The following MYO5B variants were observed in gnomAD, a reference collection of about 807,000 sequenced individuals.
The protein encoded by MYO5B is unconventional myosin-Vb.
MYO5B carries 143 observed loss-of-function variants against 229.3 expected under a neutral mutation model. The observed-to-expected ratio is 0.62, with a 90% CI of 0.54 to 0.72. MYO5B has a LOEUF of 0.72. MYO5B is among the 30% of genes least tolerant of loss of function. The probability of loss-of-function intolerance (pLI) is 0.00; values close to 1 mark genes in which losing one functional copy is unlikely to be tolerated. For synonymous variants in MYO5B, 918 were observed against 885.2 expected (o/e 1.04, Z -0.66); for missense variants, 2,321 against 2,331.0 (o/e 1.00, Z 0.09).
chr18:50,183,659 T>C (rs1383654134), intron 1 of MYO5B, among the ~76,000 whole-genome samples: 1 of 152,014 alleles, frequency 6.6e-6, no homozygotes, highest in Non-Finnish European at 1.5e-5. Flanking sequence ...TTTAAGCTCC[T>C]TGAATTTCAG....
intron 22 of MYO5B, among the ~76,000 whole-genome samples, chr18:49,883,243 G>A (rs1431930893): frequency 1.3e-5 from 2 of 152,192 alleles, no homozygotes; most frequent in Non-Finnish European, 2.9e-5. Context: ...ACACAATCTT[G>A]TATACAGAAA....
intron 2 of MYO5B, among the ~76,000 whole-genome samples, chr18:50,050,552 ATAAATTAT>A (rs775734721): frequency 2.0e-5 from 3 of 152,232 alleles, no homozygotes; most frequent in Non-Finnish European, 4.4e-5. Context: ...ATCACAAAAT[ATAAATTAT>A]TAAAGAATAC....
At chr18:49,987,434 G>A (rs1478370128) in intron 7 of MYO5B, among the ~76,000 whole-genome samples, 3 of 152,080 alleles carry the variant, frequency 2.0e-5, no homozygotes, top group Non-Finnish European at 4.4e-5. Flanking sequence ...GGCCCATAAA[G>A]CTGAACACTG....
intron 4 of MYO5B, among the ~76,000 whole-genome samples, chr18:50,015,773 A>C (rs1486875233): frequency 6.6e-6 from 1 of 152,236 alleles, no homozygotes; most frequent in Non-Finnish European, 1.5e-5. Flanking sequence ...AGGTGCTTGC[A>C]GTAGCCTCTG....
chr18:50,037,138 A>C, intron 3 of MYO5B, 144 bp from the exon 4 acceptor site: 58 of 858,862 alleles, frequency 6.8e-5, no homozygotes, highest in Non-Finnish European at 1.0e-4. Context: ...CAATCAGCTC[A>C]ATCAAGGCTC....
At chr18:49,848,698 G>A (rs769896708) in intron 32 of MYO5B, among the ~76,000 whole-genome samples, 1 of 152,170 alleles carries the variant, frequency 6.6e-6, no homozygotes, top group African/African-American at 2.4e-5. Context: ...AAAAGAGGGA[G>A]TGATAGGTCT....
intron 1 of MYO5B, among the ~76,000 whole-genome samples, chr18:50,170,503 C>T (rs1380469180): frequency 7.9e-6 from 1 of 127,340 alleles, no homozygotes; most frequent in Non-Finnish European, 1.7e-5. Flanking sequence ...TTTCTAATCA[C>T]ATTTTTATTA....
intron 2 of MYO5B, among the ~76,000 whole-genome samples, chr18:50,046,732 A>G (rs1167290048): frequency 6.6e-6 from 1 of 152,154 alleles, no homozygotes; most frequent in Non-Finnish European, 1.5e-5. Flanking sequence ...ACAAAAAAAC[A>G]CAAACAAGAT....
chr18:50,104,829 A>G (rs1476660609), intron 1 of MYO5B, among the ~76,000 whole-genome samples: 1 of 152,164 alleles, frequency 6.6e-6, no homozygotes, highest in Non-Finnish European at 1.5e-5. Flanking sequence ...TTAACCTTGA[A>G]ACTGGAAGTA....
intron 3 of MYO5B, among the ~76,000 whole-genome samples, chr18:50,038,601 C>T (rs1039212116): frequency 5.3e-5 from 8 of 152,180 alleles, no homozygotes; most frequent in Admixed American, 3.9e-4. Flanking sequence ...TATCATACTC[C>T]GAGGTCACGT....
chr18:50,040,324 T>G lies in MYO5B; in HGVS notation c.139-10A>C, dbSNP rs779000779. On this transcript the variant is annotated splice_polypyrimidine_tract_variant and intron_variant, in intron 2 of 39. Coordinates refer to ENST00000285039, the MANE Select transcript of MYO5B (RefSeq NM_001080467.3). Reference sequence around the variant, plus strand: ...TTGGGTATTCCAGAATCTAAAGACATGCAAGTAGCAGACACAAAAAGGTGG... The same window carrying G: ...TTGGGTATTCCAGAATCTAAAGACAGGCAAGTAGCAGACACAAAAAGGTGG... 2 of 1,613,790 alleles carry G rather than the reference T, an allele frequency of 1.2e-6. No homozygotes were observed. The highest frequency in any genetic ancestry group is 2.2e-5 in the East Asian group (1 of 44,870).
chr18:49,922,863 A>G (rs2025089410), intron 17 of MYO5B, among the ~76,000 whole-genome samples: 2 of 152,208 alleles, frequency 1.3e-5, no homozygotes, highest in Admixed American at 6.5e-5. Flanking sequence ...GACAGCTATC[A>G]GCTGCCCCTT....
chr18:50,051,641 C>G (rs555217471), intron 2 of MYO5B, among the ~76,000 whole-genome samples: 3 of 152,182 alleles, frequency 2.0e-5, no homozygotes, highest in Non-Finnish European at 2.9e-5. Flanking sequence ...AGAGTTGGCA[C>G]ACCTAGATAC....
intron 34 of MYO5B, 100 bp from the exon 35 acceptor site, chr18:49,841,554 T>A (rs2024058036): frequency 1.8e-6 from 2 of 1,118,158 alleles, no homozygotes; most frequent in African/African-American, 3.1e-5. Flanking sequence ...TTACCTAGTG[T>A]TCCTGAGCAG....
At chr18:49,904,301 C>T (rs2024875115) in intron 20 of MYO5B, among the ~76,000 whole-genome samples, 2 of 152,340 alleles carry the variant, frequency 1.3e-5, no homozygotes, top group African/African-American at 4.8e-5. Context: ...CTTCCTCTCT[C>T]ACCATGCGAC....
intron 1 of MYO5B, among the ~76,000 whole-genome samples, chr18:50,134,562 A>G (rs2032306846): frequency 2.0e-5 from 1 of 48,982 alleles, no homozygotes; most frequent in Non-Finnish European, 4.7e-5. Context: ...CTCAATAAAT[A>G]AATAAATAAA....
intron 1 of MYO5B, among the ~76,000 whole-genome samples, chr18:50,093,799 A>T (rs112308483): frequency 0.014 from 2,096 of 151,766 alleles, 47 homozygotes; most frequent in African/African-American, 0.048. Flanking sequence ...AAAGAAAGAC[A>T]CTCCCACCAG....
At chr18:49,836,986 A>G in intron 37 of MYO5B, 101 bp from the exon 38 acceptor site, 4 of 1,126,444 alleles carry the variant, frequency 3.6e-6, no homozygotes, top group Non-Finnish European at 5.2e-6. Flanking sequence ...AGCTAGTGCC[A>G]TTATTTATCT....
At chr18:49,889,123 G>A (rs1034356469) in intron 22 of MYO5B, among the ~76,000 whole-genome samples, 1 of 152,158 alleles carries the variant, frequency 6.6e-6, no homozygotes, top group Non-Finnish European at 1.5e-5. Flanking sequence ...CACAACTAAG[G>A]GCTCCCTTTA....
Sources: gnomAD v4.1 joint callset for allele counts (sites outside exome capture counted in the v4.1 genomes callset) on GRCh38, gnomAD v4.1.1 for gene constraint, MANE v1.5 for transcripts, NCBI Gene and HGNC (gene_info 2026-07-23, HGNC 2026-07-21) for gene names.